KCNK10: variants seen among roughly 807,000 people sequenced by gnomAD.
KCNK10 encodes the protein potassium two pore domain channel subfamily K member 10, also known as potassium channel subfamily K member 10.
A neutral mutation model predicts 47.7 loss-of-function variants in KCNK10; 25 were observed. That is an observed-to-expected ratio of 0.52 (90% CI 0.38 to 0.73). The LOEUF (loss-of-function observed/expected upper bound fraction) is 0.73, where lower values mean the gene tolerates loss of function less well. KCNK10 is among the 30% of genes least tolerant of loss of function. The pLI, the probability that KCNK10 is intolerant of heterozygous loss-of-function variation, is 0.00. For missense variants in KCNK10, 563 were observed against 714.5 expected (o/e 0.79, Z 2.42); for synonymous variants, 303 against 285.6 (o/e 1.06, Z -0.61).
chr14:88,312,969 T>A (rs1318980897), intron 1 of KCNK10, among the ~76,000 whole-genome samples: 1 of 152,202 alleles, frequency 6.6e-6, no homozygotes, highest in Non-Finnish European at 1.5e-5. Flanking sequence ...CATTCTGTGG[T>A]TAAGTAGAAA....
chr14:88,301,614 C>A (rs1888100772), intron 1 of KCNK10, among the ~76,000 whole-genome samples: 1 of 147,690 alleles, frequency 6.8e-6, no homozygotes. Context: ...CGAGGAGAAG[C>A]CAGTCCTATG....
rs570385501 is a variant in KCNK10, at chr14:88,303,205, A to C, written c.52+19542T>G. 2.7e-3 allele frequency among the ~76,000 whole-genome samples: 413 copies of C among 152,314 alleles called. 6 individuals carry two copies. Among genetic ancestry groups the C allele is most frequent in the Middle Eastern group, 3.4e-3 (1 of 294 alleles). On this transcript the variant is annotated intron_variant, in intron 1 of 6. Coordinates refer to ENST00000319231, the MANE Select transcript of KCNK10 (RefSeq NM_138317.3). The stretch of plus-strand genomic sequence containing the variant: ...AGTCTGGGTCCTTGAAGGTGTTATG[A>C]AACACCCAAGCCAAGCCTGGAACAT...
intron 4 of KCNK10, among the ~76,000 whole-genome samples, chr14:88,194,395 G>A (rs1447856503): frequency 3.3e-5 from 5 of 152,238 alleles, no homozygotes; most frequent in South Asian, 2.1e-4. Context: ...AGGAGATTTC[G>A]CCATAGATCA....
chr14:88,191,087 A>C (rs916847309), intron 5 of KCNK10, among the ~76,000 whole-genome samples: 3 of 151,968 alleles, frequency 2.0e-5, no homozygotes, highest in African/African-American at 7.3e-5. Flanking sequence ...AAATACAAAA[A>C]ATGAAAATAA....
chr14:88,294,060 T>C (rs539123134), intron 1 of KCNK10, among the ~76,000 whole-genome samples: 1 of 152,262 alleles, frequency 6.6e-6, no homozygotes, highest in African/African-American at 2.4e-5. Flanking sequence ...ACAGTACCGA[T>C]TTTGTTTAGG....
Position 88,263,351 on chromosome 14 carries a change from C to A in KCNK10, c.253G>T (p.Val85Leu). The A allele has an allele frequency of 1.2e-6, 2 of 1,613,898 alleles. No individual in the cohort carries two copies. Residue 85 changes from valine (V) to leucine (L), a missense_variant, in exon 2 of 7, where the codon GTG (valine) becomes TTG (leucine). By Grantham distance (32) the Val-to-Leu change is conservative (BLOSUM62 1). Coordinates refer to ENST00000319231, the MANE Select transcript of KCNK10 (RefSeq NM_138317.3). Reference sequence around the variant, plus strand: ...AGACCGCCAGTGACAAGGTAGACCACCACAACCACAAAGATGGCAACCACC... The same window carrying A: ...AGACCGCCAGTGACAAGGTAGACCAACACAACCACAAAGATGGCAACCACC... ...KTVVAIFVVV[V>L]VYLVTGGLVF...
chr14:88,185,846 G>A lies in KCNK10; in HGVS notation c.1321C>T (p.Gln441Ter). 6.2e-7 allele frequency: 1 copy of A among 1,614,166 alleles called. No individual in the cohort carries two copies. The highest frequency in any genetic ancestry group is 1.1e-5 in the South Asian group (1 of 91,072). The change falls in exon 7 of 7, where the codon CAG becomes TAG. Residue 441 changes from glutamine (Q) to a stop codon, truncating the protein, a stop_gained. Coordinates refer to ENST00000319231, the MANE Select transcript of KCNK10 (RefSeq NM_138317.3). LOFTEE classifies it high-confidence loss of function. This position sits in a 1 kb window ranked among gnomAD's most constrained non-coding sequence, Gnocchi z 4.3. ...KGPEQLNKHGQGASEDNIINK... is the reference protein window; with the variant it reads ...KGPEQLNKHG ...ATGATGTTGTCCTCGGACGCACCCT[G>A]CCCATGCTTGTTCAGCTGCTCCGGC...
At chr14:88,269,051 T>C (rs1406943795) in intron 1 of KCNK10, among the ~76,000 whole-genome samples, 1 of 152,106 alleles carries the variant, frequency 6.6e-6, no homozygotes, top group Non-Finnish European at 1.5e-5. Flanking sequence ...GGCAGAAGAA[T>C]CACTTGAACC....
At chr14:88,244,416 C>T (rs945998477) in intron 2 of KCNK10, among the ~76,000 whole-genome samples, 1 of 152,140 alleles carries the variant, frequency 6.6e-6, no homozygotes, top group African/African-American at 2.4e-5. Context: ...TGCCTGTAAT[C>T]CCAGCACTTT....
rs561218594 is a variant in KCNK10 at position 88,234,376 on chromosome 14, A to C, written c.520+6327T>G. Among the ~76,000 whole-genome samples, 16 of 152,360 alleles carry C rather than the reference A, an allele frequency of 1.1e-4. No homozygotes were observed. In the South Asian group the frequency reaches 3.3e-3, roughly 32 times the overall value. ...AAGAGTGTTTCTAAATAACAATGGC[A>C]ATTTTCCTTCATCCAAAATGTTCTT... On this transcript the variant is annotated intron_variant, in intron 3 of 6. Coordinates refer to ENST00000319231, the MANE Select transcript of KCNK10 (RefSeq NM_138317.3).
At chr14:88,228,957 C>A (rs10129317) in intron 3 of KCNK10, among the ~76,000 whole-genome samples, 1,705 of 152,168 alleles carry the variant, frequency 0.011, 39 homozygotes, top group African/African-American at 0.04. Context: ...GAATACCCCT[C>A]TAGAATGGTC....
At chr14:88,258,716 T>C (rs143195353) in intron 2 of KCNK10, among the ~76,000 whole-genome samples, 1,988 of 152,302 alleles carry the variant, frequency 0.013, 22 homozygotes, top group Middle Eastern at 0.054. Flanking sequence ...GATGAGAATG[T>C]CCCCTTCATA....
At chr14:88,297,205 G>A (rs892592310) in intron 1 of KCNK10, among the ~76,000 whole-genome samples, 1 of 152,094 alleles carries the variant, frequency 6.6e-6, no homozygotes, top group African/African-American at 2.4e-5. Flanking sequence ...ATTATAATGA[G>A]GTTCTATCAT....
intron 4 of KCNK10, among the ~76,000 whole-genome samples, chr14:88,220,622 T>C (rs958344164): frequency 1.3e-5 from 2 of 149,992 alleles, no homozygotes; most frequent in African/African-American, 2.4e-5. Flanking sequence ...AAAAGGTCTT[T>C]TCAACAAATG....
intron 2 of KCNK10, among the ~76,000 whole-genome samples, chr14:88,244,945 G>A (rs949262882): frequency 2.0e-5 from 3 of 152,202 alleles, no homozygotes; most frequent in African/African-American, 7.2e-5. Flanking sequence ...AATAGAGGTA[G>A]ACAGATAATT....
chr14:88,296,544 GT>G (rs1158425979), intron 1 of KCNK10, among the ~76,000 whole-genome samples: 17 of 152,268 alleles, frequency 1.1e-4, no homozygotes, highest in African/African-American at 3.4e-4. Flanking sequence ...TGCTGCAGCT[GT>G]TTCTCTTTCC....
intron 1 of KCNK10, among the ~76,000 whole-genome samples, chr14:88,302,534 A>T (rs1486570096): frequency 6.6e-6 from 1 of 152,126 alleles, no homozygotes; most frequent in East Asian, 1.9e-4. Flanking sequence ...ACATGGTGAA[A>T]CCCTGTCTCT....
At chr14:88,207,119 A>T (rs188388362) in intron 4 of KCNK10, among the ~76,000 whole-genome samples, 203 of 146,314 alleles carry the variant, frequency 1.4e-3, no homozygotes, top group African/African-American at 5.1e-3. Flanking sequence ...TTTTTTCCCC[A>T]TTGCCATTTA....
intron 1 of KCNK10, among the ~76,000 whole-genome samples, chr14:88,295,104 G>A (rs1479289046): frequency 3.9e-5 from 6 of 152,302 alleles, no homozygotes; most frequent in East Asian, 1.9e-4. Flanking sequence ...AAGTACAGCC[G>A]TGACAAGGGT....
Sources: gnomAD v4.1 joint callset for allele counts (sites outside exome capture counted in the v4.1 genomes callset) on GRCh38, gnomAD v4.1.1 for gene constraint, Gnocchi (gnomAD v3.1) non-coding constraint, MANE v1.5 for transcripts, NCBI Gene and HGNC (gene_info 2026-07-23, HGNC 2026-07-21) for gene names.